The following NUBPL variants were observed in gnomAD, a reference collection of about 807,000 sequenced individuals.
NUBPL encodes the protein iron-sulfur cluster transfer protein NUBPL.
NUBPL carries 31 observed loss-of-function variants against 45.7 expected under a neutral mutation model. The ratio of observed to expected loss-of-function variants is 0.68; its 90% CI spans 0.51 to 0.92. NUBPL has a LOEUF of 0.92. Ranked by LOEUF, NUBPL falls within the 40% of genes least tolerant of loss-of-function variation. NUBPL has a pLI of 0.00. For missense variants in NUBPL, 401 were observed against 398.7 expected (o/e 1.01, Z -0.05); for synonymous variants, 144 against 140.9 (o/e 1.02, Z -0.15).
At chr14:31,793,247 T>G (rs2039415689) in intron 7 of NUBPL, among the ~76,000 whole-genome samples, 1 of 152,172 alleles carries the variant, frequency 6.6e-6, no homozygotes, top group Admixed American at 6.6e-5. Flanking sequence ...TACTCCCACC[T>G]TCCTTTTACT....
intron 6 of NUBPL, among the ~76,000 whole-genome samples, chr14:31,712,207 A>C (rs2037589239): frequency 6.6e-6 from 1 of 152,174 alleles, no homozygotes; most frequent in Admixed American, 6.5e-5. Flanking sequence ...TGATTGGTGC[A>C]TTTACAAACT....
At chr14:31,839,227 A>G (rs1405382860) in intron 8 of NUBPL, among the ~76,000 whole-genome samples, 1 of 152,152 alleles carries the variant, frequency 6.6e-6, no homozygotes, top group African/African-American at 2.4e-5. Context: ...AAGGGCACAA[A>G]TTATAGCTCA....
intron 7 of NUBPL, among the ~76,000 whole-genome samples, chr14:31,804,118 T>C (rs990660731): frequency 1.3e-5 from 2 of 152,108 alleles, no homozygotes; most frequent in Non-Finnish European, 2.9e-5. Context: ...GCTGAACATA[T>C]ATGAAATACA....
At chr14:31,633,879 A>G (rs983527864) in intron 4 of NUBPL, among the ~76,000 whole-genome samples, 1 of 151,992 alleles carries the variant, frequency 6.6e-6, no homozygotes, top group African/African-American at 2.4e-5. Flanking sequence ...ATATAATGCA[A>G]TTTTCGATAT....
intron 8 of NUBPL, among the ~76,000 whole-genome samples, chr14:31,835,804 T>C (rs1243026557): frequency 2.0e-5 from 3 of 152,010 alleles, no homozygotes; most frequent in Non-Finnish European, 4.4e-5. Context: ...CTTCAAGGAG[T>C]ATACCAAAAA....
intron 4 of NUBPL, among the ~76,000 whole-genome samples, chr14:31,671,875 G>A (rs554919587): frequency 7.0e-4 from 1 of 1,438 alleles, no homozygotes; most frequent in Admixed American, 0.01. Flanking sequence ...TCAGTCTCTT[G>A]ACAAGAGGGG....
At chr14:31,598,012 TA>T (rs1377814213) in intron 3 of NUBPL, among the ~76,000 whole-genome samples, 3 of 152,154 alleles carry the variant, frequency 2.0e-5, no homozygotes, top group African/African-American at 7.2e-5. Flanking sequence ...ATCTGATACC[TA>T]AATGCATTAA....
At chr14:31,634,917 C>G (rs1037954913) in intron 4 of NUBPL, among the ~76,000 whole-genome samples, 1 of 142,580 alleles carries the variant, frequency 7.0e-6, no homozygotes, top group African/African-American at 3.1e-5. Context: ...ATATCCTTCG[C>G]CCACTTTTTG....
chr14:31,827,512 G>A lies in NUBPL; in HGVS notation c.693+798G>A, dbSNP rs565456519. ...GTTCTTCCTTCTAGTGTGCCTCAAT[G>A]AAAGCAGGTGGAATTGTGCTGGAGT... On this transcript the variant is annotated intron_variant, in intron 8 of 10. Transcript: ENST00000281081. Among the ~76,000 whole-genome samples the A allele has an allele frequency of 2.0e-5, 3 of 152,208 alleles. No individual in the cohort carries two copies. The South Asian group carries it at 6.2e-4, about 32-fold the overall frequency.
At chr14:31,697,777 C>G (rs1381705821) in intron 6 of NUBPL, among the ~76,000 whole-genome samples, 1 of 152,170 alleles carries the variant, frequency 6.6e-6, no homozygotes, top group Non-Finnish European at 1.5e-5. Flanking sequence ...AGAGTCTTGT[C>G]TTCTGCAGTG....
intron 3 of NUBPL, among the ~76,000 whole-genome samples, chr14:31,589,345 A>C (rs924848114): frequency 6.6e-6 from 1 of 152,160 alleles, no homozygotes; most frequent in Admixed American, 6.5e-5. Context: ...TTTAGATGAC[A>C]TCTGTGATTG....
intron 6 of NUBPL, among the ~76,000 whole-genome samples, chr14:31,678,590 A>G (rs553838962): frequency 4.6e-5 from 7 of 152,292 alleles, no homozygotes; most frequent in African/African-American, 1.7e-4. Flanking sequence ...AATGTCGTCC[A>G]TGAGCCTGGA....
chr14:31,762,565 T>A (rs1463704733), intron 6 of NUBPL, among the ~76,000 whole-genome samples: 2 of 152,204 alleles, frequency 1.3e-5, no homozygotes, highest in African/African-American at 4.8e-5. Flanking sequence ...CTATGTTAGA[T>A]GACATATTAA....
At chr14:31,683,039 A>C in intron 6 of NUBPL, among the ~76,000 whole-genome samples, 1 of 132,652 alleles carries the variant, frequency 7.5e-6, no homozygotes, top group Admixed American at 7.6e-5. Flanking sequence ...TTTTTTTGAC[A>C]ACGAGCTCTT....
At chr14:31,660,860 AT>A (rs2036251702) in intron 4 of NUBPL, among the ~76,000 whole-genome samples, 1 of 152,188 alleles carries the variant, frequency 6.6e-6, no homozygotes, top group Non-Finnish European at 1.5e-5. Flanking sequence ...TACATAGTTG[AT>A]TCACGAACAA....
At chr14:31,820,089 G>C (rs182751613) in intron 7 of NUBPL, among the ~76,000 whole-genome samples, 18 of 145,132 alleles carry the variant, frequency 1.2e-4, no homozygotes, top group Admixed American at 8.3e-4. Flanking sequence ...GCAGTGATCC[G>C]AGATCATGCC....
chr14:31,829,210 T>A (rs1237118736), intron 8 of NUBPL, among the ~76,000 whole-genome samples: 1 of 152,192 alleles, frequency 6.6e-6, no homozygotes. Context: ...TTGAAATTTA[T>A]AGTTCTTTCC....
intron 3 of NUBPL, among the ~76,000 whole-genome samples, chr14:31,581,202 CTTTTT>C (rs751566032): frequency 1.9e-5 from 2 of 103,316 alleles, no homozygotes; most frequent in Admixed American, 9.6e-5. Flanking sequence ...AGAGATGGTT[CTTTTT>C]TTTTTTTTTT....
At chr14:31,674,565 C>T (rs139374609) in intron 6 of NUBPL, among the ~76,000 whole-genome samples, 1 of 152,140 alleles carries the variant, frequency 6.6e-6, no homozygotes, top group African/African-American at 2.4e-5. Flanking sequence ...CACCCCATCC[C>T]CACCAATTCC....
Sources: gnomAD v4.1 joint callset for allele counts (sites outside exome capture counted in the v4.1 genomes callset) on GRCh38, gnomAD v4.1.1 for gene constraint, MANE v1.5 for transcripts, NCBI Gene and HGNC (gene_info 2026-07-23, HGNC 2026-07-21) for gene names.